Variants in DSCAM observed in about 807,000 individuals in gnomAD.
DSCAM encodes the protein DS cell adhesion molecule.
DSCAM carries 47 observed loss-of-function variants against 217.7 expected under a neutral mutation model. The ratio of observed to expected loss-of-function variants is 0.22; its 90% CI spans 0.17 to 0.28. The LOEUF (loss-of-function observed/expected upper bound fraction) is 0.28, where lower values mean the gene tolerates loss of function less well. Ranked by LOEUF, DSCAM falls within the 10% of genes least tolerant of loss-of-function variation. The pLI, the probability that DSCAM is intolerant of heterozygous loss-of-function variation, is 1.00. For missense variants in DSCAM, 2,080 were observed against 2,618.3 expected, an observed-to-expected ratio of 0.79 and a Z score of 4.49; for synonymous variants, 1,056 against 1,015.3, an observed-to-expected ratio of 1.04 and a Z score of -0.76.
intron 1 of DSCAM, among the ~76,000 whole-genome samples, chr21:40,820,245 T>C (rs547822555): frequency 9.9e-5 from 15 of 151,814 alleles, no homozygotes; most frequent in African/African-American, 3.1e-4. Flanking sequence ...ATAAAGAAAA[T>C]GTGGCACAGA....
rs144031391 is a variant in DSCAM at position 40,589,025 on chromosome 21, T to C, written c.508+103785A>G. The stretch of plus-strand genomic sequence containing the variant: ...AAGTAGACTGGGGCAAGTTATTTCC[T>C]GTGACAATCCCAGCCGTGCTACCAT... On this transcript the variant is annotated intron_variant, in intron 3 of 32. Coordinates refer to ENST00000400454, the MANE Select transcript of DSCAM (RefSeq NM_001389.5). Among the ~76,000 whole-genome samples, 62 of 152,344 alleles carry C rather than the reference T, an allele frequency of 4.1e-4. 1 individual carries two copies. In the East Asian group the frequency reaches 0.011, roughly 28 times the overall value.
chr21:40,043,522 G>A (rs1018499760), intron 31 of DSCAM, among the ~76,000 whole-genome samples: 6 of 152,140 alleles, frequency 3.9e-5, no homozygotes, highest in Non-Finnish European at 8.8e-5. Context: ...GGGGGTGGTG[G>A]GCAACCCGGT....
At chr21:40,147,502 AC>A (rs1303001411) in intron 16 of DSCAM, among the ~76,000 whole-genome samples, 1 of 152,198 alleles carries the variant, frequency 6.6e-6, no homozygotes, top group African/African-American at 2.4e-5. Flanking sequence ...TCTTAGAAGA[AC>A]TACATTTCAG....
intron 3 of DSCAM, among the ~76,000 whole-genome samples, chr21:40,614,966 C>T (rs957207134): frequency 1.3e-5 from 2 of 151,252 alleles, no homozygotes; most frequent in African/African-American, 4.8e-5. Flanking sequence ...ATTTTATATA[C>T]ATTATGTATA....
chr21:40,323,462 C>G (rs1032539359), intron 8 of DSCAM, among the ~76,000 whole-genome samples: 1 of 152,110 alleles, frequency 6.6e-6, no homozygotes, highest in African/African-American at 2.4e-5. Flanking sequence ...ATATACCCCT[C>G]TATACATGAT....
chr21:40,553,561 T>A (rs1353594538), intron 3 of DSCAM, among the ~76,000 whole-genome samples: 1 of 152,230 alleles, frequency 6.6e-6, no homozygotes, highest in Non-Finnish European at 1.5e-5. Flanking sequence ...TGCAAACAAA[T>A]AAGATTTTTA....
chr21:40,844,304 G>A (rs866978617), intron 1 of DSCAM, among the ~76,000 whole-genome samples: 37 of 152,202 alleles, frequency 2.4e-4, no homozygotes, highest in African/African-American at 5.1e-4. Flanking sequence ...TTAGAAAACT[G>A]TTTAAAGCTG....
chr21:40,655,352 G>C (rs184419739), intron 3 of DSCAM, among the ~76,000 whole-genome samples: 1 of 152,108 alleles, frequency 6.6e-6, no homozygotes, highest in African/African-American at 2.4e-5. Flanking sequence ...TCTAGGCAAG[G>C]CTTCCTCTCT....
At chr21:40,548,837 G>A (rs1209251566) in intron 3 of DSCAM, among the ~76,000 whole-genome samples, 1 of 152,112 alleles carries the variant, frequency 6.6e-6, no homozygotes, top group Non-Finnish European at 1.5e-5. Context: ...AGTACACAGC[G>A]ATATTTTATC....
At chr21:40,353,339 G>A (rs1020598466) in intron 5 of DSCAM, 126 bp downstream of exon 5, 3 of 1,297,666 alleles carry the variant, frequency 2.3e-6, no homozygotes, top group Non-Finnish European at 3.2e-6. Context: ...TGAGGTTTCT[G>A]TTGATCTCAG....
chr21:40,606,636 G>C (rs2089242419), intron 3 of DSCAM, among the ~76,000 whole-genome samples: 1 of 152,222 alleles, frequency 6.6e-6, no homozygotes, highest in Admixed American at 6.5e-5. Context: ...GGAGACAGCA[G>C]AGTGTGACCT....
intron 11 of DSCAM, among the ~76,000 whole-genome samples, chr21:40,210,413 G>A (rs2091170374): frequency 6.6e-6 from 1 of 152,202 alleles, no homozygotes; most frequent in African/African-American, 2.4e-5. Flanking sequence ...AAATAGTAGA[G>A]TCCTGTGTGT....
At chr21:40,524,481 A>G (rs970900648) in intron 3 of DSCAM, among the ~76,000 whole-genome samples, 1 of 152,298 alleles carries the variant, frequency 6.6e-6, no homozygotes, top group Middle Eastern at 3.4e-3. Flanking sequence ...TTATATACAT[A>G]TATAAACACT....
intron 3 of DSCAM, among the ~76,000 whole-genome samples, chr21:40,497,489 A>G (rs944863755): frequency 2.0e-5 from 3 of 152,040 alleles, no homozygotes; most frequent in Non-Finnish European, 4.4e-5. Context: ...AGTTGGGGAG[A>G]TGTTGGTCAA....
intron 11 of DSCAM, among the ~76,000 whole-genome samples, chr21:40,269,665 G>T (rs2073589515): frequency 1.3e-5 from 2 of 152,160 alleles, no homozygotes; most frequent in South Asian, 4.1e-4. Flanking sequence ...GTTTCTACAG[G>T]AGACCCCTTC....
chr21:40,305,025 A>C (rs1026283435), intron 9 of DSCAM, among the ~76,000 whole-genome samples: 4 of 152,186 alleles, frequency 2.6e-5, no homozygotes, highest in Non-Finnish European at 1.5e-5. Context: ...AATGGTCCCC[A>C]TAGACTTGCT....
At chr21:40,320,894 G>A (rs1005915522) in intron 8 of DSCAM, among the ~76,000 whole-genome samples, 18 of 152,154 alleles carry the variant, frequency 1.2e-4, no homozygotes, top group African/African-American at 3.6e-4. Flanking sequence ...AACCCTATCA[G>A]TCACCATCTC....
At chr21:40,722,775 T>A (rs891512024) in intron 1 of DSCAM, among the ~76,000 whole-genome samples, 5 of 151,826 alleles carry the variant, frequency 3.3e-5, no homozygotes, top group African/African-American at 1.2e-4. Flanking sequence ...CTATACGCTA[T>A]CCAGGAGAAA....
At chr21:40,250,035 T>A (rs1053363144) in intron 11 of DSCAM, among the ~76,000 whole-genome samples, 8 of 152,236 alleles carry the variant, frequency 5.3e-5, no homozygotes, top group African/African-American at 7.2e-5. Flanking sequence ...GAGAACATGG[T>A]CACTTTGTAC....
Sources: gnomAD v4.1 joint callset for allele counts (sites outside exome capture counted in the v4.1 genomes callset) on GRCh38, gnomAD v4.1.1 for gene constraint, MANE v1.5 for transcripts, NCBI Gene and HGNC (gene_info 2026-07-23, HGNC 2026-07-21) for gene names.